TMEM132C: variants seen among roughly 807,000 people sequenced by gnomAD.
TMEM132C encodes the protein transmembrane protein 132C.
A neutral mutation model predicts 61.4 loss-of-function variants in TMEM132C; 29 were observed. That is an observed-to-expected ratio of 0.47 (90% CI 0.35 to 0.64). The LOEUF (loss-of-function observed/expected upper bound fraction) is 0.64, where lower values mean the gene tolerates loss of function less well. TMEM132C is among the 30% of genes least tolerant of loss of function. The pLI, the probability that TMEM132C is intolerant of heterozygous loss-of-function variation, is 0.00. For synonymous variants in TMEM132C, 656 were observed against 633.1 expected (o/e 1.04, Z -0.54); for missense variants, 1,408 against 1,476.9 (o/e 0.95, Z 0.76).
intron 5 of TMEM132C, among the ~76,000 whole-genome samples, chr12:128,689,734 A>G (rs911961861): frequency 1.3e-5 from 2 of 152,232 alleles, no homozygotes; most frequent in East Asian, 3.9e-4. Context: ...GATTACCATC[A>G]TGAGCGGGAT....
chr12:128,299,598 A>G (rs1208741471), intron 1 of TMEM132C, among the ~76,000 whole-genome samples: 1 of 152,214 alleles, frequency 6.6e-6, no homozygotes, highest in African/African-American at 2.4e-5. Flanking sequence ...CCTCTCAAGC[A>G]ATGGGAGAAA....
chr12:128,490,204 G>C (rs1593072086), intron 2 of TMEM132C, among the ~76,000 whole-genome samples: 1 of 152,194 alleles, frequency 6.6e-6, no homozygotes, highest in African/African-American at 2.4e-5. Flanking sequence ...AAAGAGACTG[G>C]GTTTTGAGCC....
intron 4 of TMEM132C, among the ~76,000 whole-genome samples, chr12:128,663,991 G>A (rs1593139793): frequency 8.0e-6 from 1 of 124,760 alleles, no homozygotes; most frequent in Non-Finnish European, 1.7e-5. Flanking sequence ...CACGCACGCG[G>A]GCACTCACAC....
chr12:128,429,405 T>C (rs1238036531), intron 2 of TMEM132C, among the ~76,000 whole-genome samples: 2 of 152,190 alleles, frequency 1.3e-5, no homozygotes, highest in Non-Finnish European at 2.9e-5. Context: ...ACCACAGCCA[T>C]AGGTTATAAC....
intron 4 of TMEM132C, among the ~76,000 whole-genome samples, chr12:128,629,430 C>T (rs1954047287): frequency 6.6e-6 from 1 of 152,066 alleles, no homozygotes; most frequent in Non-Finnish European, 1.5e-5. Flanking sequence ...ATGACTGTAC[C>T]ATTGTACTCC....
At chr12:128,628,554 G>T (rs921166903) in intron 4 of TMEM132C, among the ~76,000 whole-genome samples, 1 of 152,232 alleles carries the variant, frequency 6.6e-6, no homozygotes, top group African/African-American at 2.4e-5. Context: ...CAAATAAAAT[G>T]CATGTCTATT....
intron 3 of TMEM132C, among the ~76,000 whole-genome samples, chr12:128,547,244 C>T (rs1873983729): frequency 6.6e-6 from 1 of 152,150 alleles, no homozygotes. Flanking sequence ...CTGAGCCCCA[C>T]CAAGGCCATG....
intron 5 of TMEM132C, among the ~76,000 whole-genome samples, chr12:128,675,880 GATAA>G (rs63131861): frequency 0.026 from 2,321 of 90,652 alleles, 39 homozygotes; most frequent in African/African-American, 0.12. Flanking sequence ...TAGATAGATA[GATAA>G]ATAGATAGAT....
At chr12:128,318,620 C>T (rs916423470) in intron 1 of TMEM132C, among the ~76,000 whole-genome samples, 4 of 152,132 alleles carry the variant, frequency 2.6e-5, no homozygotes, top group East Asian at 1.9e-4. Context: ...GCTGAGATCG[C>T]GTCTGTTGCC....
chr12:128,268,185 G>A (rs1000229105), intron 1 of TMEM132C, among the ~76,000 whole-genome samples: 1 of 152,178 alleles, frequency 6.6e-6, no homozygotes, highest in African/African-American at 2.4e-5. Context: ...GGTCCTGTCC[G>A]GGGCTCCTTC....
At chr12:128,313,610 A>G (rs1340921744) in intron 1 of TMEM132C, among the ~76,000 whole-genome samples, 2 of 152,228 alleles carry the variant, frequency 1.3e-5, no homozygotes, top group Admixed American at 6.5e-5. Flanking sequence ...AAGGTCCTGC[A>G]GGACAAGGGT....
chr12:128,605,049 G>A (rs1385684433), intron 3 of TMEM132C, among the ~76,000 whole-genome samples: 1 of 152,022 alleles, frequency 6.6e-6, no homozygotes, highest in Non-Finnish European at 1.5e-5. Context: ...ATGGATGGAT[G>A]GATGGATAAT....
chr12:128,623,685 G>A (rs1476175793), intron 4 of TMEM132C, among the ~76,000 whole-genome samples: 1 of 151,982 alleles, frequency 6.6e-6, no homozygotes, highest in African/African-American at 2.4e-5. Flanking sequence ...GCAGGCACCT[G>A]TAATCTCAGC....
chr12:128,687,366 C>T (rs561563431), intron 5 of TMEM132C, among the ~76,000 whole-genome samples: 3 of 152,236 alleles, frequency 2.0e-5, no homozygotes, highest in African/African-American at 7.2e-5. Context: ...GTACCATCAT[C>T]CCTACCCTCC....
chr12:128,373,401 C>G (rs1874088224), intron 1 of TMEM132C, among the ~76,000 whole-genome samples: 1 of 152,204 alleles, frequency 6.6e-6, no homozygotes, highest in East Asian at 1.9e-4. Flanking sequence ...AGAAAGTGTT[C>G]AGAGGGAATG....
intron 6 of TMEM132C, among the ~76,000 whole-genome samples, chr12:128,695,608 G>A (rs1285599945): frequency 6.6e-6 from 1 of 152,154 alleles, no homozygotes. Flanking sequence ...GTGCAGACTT[G>A]GTACATATTA....
chr12:128,478,454 C>T lies in TMEM132C; in HGVS notation c.974+62834C>T, dbSNP rs936379. ...GTGGCCTCCTTTCAGGGAGGAATTC[C>T]TTCCCTGTGAGTTGGCCCAAAGAAC... On this transcript the variant is annotated intron_variant, in intron 2 of 8. Transcript: ENST00000435159. 6.0e-3 allele frequency among the ~76,000 whole-genome samples: 907 copies of T among 152,296 alleles called. 8 individuals carry two copies. The highest frequency in any genetic ancestry group is 0.021 in the African/African-American group (871 of 41,568).
chr12:128,428,458 T>C (rs556070024), intron 2 of TMEM132C, among the ~76,000 whole-genome samples: 12 of 152,298 alleles, frequency 7.9e-5, no homozygotes, highest in Admixed American at 6.5e-4. Context: ...GCAATAAATG[T>C]CCTCAGATTG....
chr12:128,416,663 G>T, intron 2 of TMEM132C, among the ~76,000 whole-genome samples: 1 of 152,048 alleles, frequency 6.6e-6, no homozygotes, highest in African/African-American at 2.4e-5. Context: ...TATTTTTAAA[G>T]TTTTTTGTTT....
Sources: allele counts gnomAD v4.1 joint callset (sites outside exome capture counted in the v4.1 genomes callset), GRCh38; gene constraint gnomAD v4.1.1; transcripts MANE v1.5; gene names NCBI Gene and HGNC (gene_info 2026-07-23, HGNC 2026-07-21).